The following ZCCHC14 variants were observed in gnomAD, a reference collection of about 807,000 sequenced individuals.
ZCCHC14 encodes the protein zinc finger CCHC-type containing 14, also known as zinc finger CCHC domain-containing protein 14.
A neutral mutation model predicts 85.0 loss-of-function variants in ZCCHC14; 16 were observed. That is an observed-to-expected ratio of 0.19 (90% CI 0.13 to 0.29). The LOEUF (loss-of-function observed/expected upper bound fraction) is 0.29. Among genes scored for constraint, ZCCHC14 ranks in the 10% least tolerant of loss-of-function variants. The pLI, the probability that ZCCHC14 is intolerant of heterozygous loss-of-function variation, is 1.00. For missense variants in ZCCHC14, 1,303 were observed against 1,443.5 expected, an observed-to-expected ratio of 0.90 and a Z score of 1.58; for synonymous variants, 775 against 630.7, an observed-to-expected ratio of 1.23 and a Z score of -3.43.
intron 2 of ZCCHC14, among the ~76,000 whole-genome samples, chr16:87,433,529 C>A (rs1486736960): frequency 6.6e-6 from 1 of 152,330 alleles, no homozygotes; most frequent in Admixed American, 6.5e-5. Context: ...TGCAGCCTCC[C>A]GGGTTCACCC....
intron 8 of ZCCHC14, 140 bp from the exon 9 acceptor site, chr16:87,415,507 C>A: frequency 2.9e-6 from 2 of 700,064 alleles, no homozygotes; most frequent in South Asian, 3.6e-5. Context: ...CAATTACAAG[C>A]TGGGAAATCC....
chr16:87,491,548 G>A lies in ZCCHC14; in HGVS notation c.570+121C>T. ...GTGGTGCAGGTTGGAGACCTGGGTG[G>A]GAGCTCTCAGTGCAGGCTGGAGGCG... On this transcript the variant is annotated intron_variant, in intron 1 of 12. Coordinates refer to ENST00000671377, the MANE Select transcript of ZCCHC14 (RefSeq NM_015144.3). The surrounding 1 kb of genome is among the most constrained non-coding windows in gnomAD (Gnocchi z 5.9). 1 of 891,976 alleles carries A rather than the reference G, an allele frequency of 1.1e-6. No individual in the cohort carries two copies. The highest frequency in any genetic ancestry group is 3.8e-5 in the East Asian group (1 of 26,260). The allele number at this position is 891,976 out of a possible 1,614,324, so 55.3% of individuals were successfully genotyped here.
intron 1 of ZCCHC14, among the ~76,000 whole-genome samples, chr16:87,489,280 T>TCTA (rs1183515453): frequency 2.6e-5 from 4 of 152,192 alleles, no homozygotes; most frequent in Admixed American, 2.6e-4. Context: ...GGTTACTCCT[T>TCTA]ATAATAATCC....
rs371413182 is a variant in ZCCHC14, at chr16:87,411,783, C to T, written c.2938G>A (p.Gly980Ser). The T allele has an allele frequency of 2.2e-5, 35 of 1,611,290 alleles. No individual in the cohort carries two copies. The highest frequency in any genetic ancestry group is 2.0e-4 in the African/African-American group (15 of 74,898). ...TGCACGACGGGGAAGGTGGAGCCGC[C>T]GCCGTACTGCTGGGCGCTGACGTAG... Reference protein sequence around the residue: ...SGYVSAQQYGGGSTFPVVHAP... With the variant: ...SGYVSAQQYGSGSTFPVVHAP... The change falls in exon 12 of 13, where the codon GGC becomes AGC. Residue 980 changes from glycine (G) to serine (S), a missense_variant. By Grantham distance (56) the Gly-to-Ser change is moderately conservative. Around this residue, in one of 7 missense-constraint regions of ZCCHC14, gnomAD observed 797 missense variants for 730.8 expected, o/e 1.09. Transcript: ENST00000671377.
At chr16:87,415,405 A>G (rs781718610) in intron 8 of ZCCHC14, 38 bp from the exon 9 acceptor site, 7 of 1,570,222 alleles carry the variant, frequency 4.5e-6, no homozygotes, top group South Asian at 2.2e-5. Context: ...TTACGGAGAC[A>G]TAAGTAGGAC....
chr16:87,490,131 G>A (rs1052357885), intron 1 of ZCCHC14, among the ~76,000 whole-genome samples: 3 of 152,042 alleles, frequency 2.0e-5, no homozygotes, highest in Non-Finnish European at 2.9e-5. Context: ...GGAGGTAAAT[G>A]TCACACACAC....
intron 2 of ZCCHC14, among the ~76,000 whole-genome samples, chr16:87,434,205 T>C (rs1909800944): frequency 6.6e-6 from 1 of 152,196 alleles, no homozygotes; most frequent in Admixed American, 6.5e-5. Context: ...ACAATTAGGT[T>C]TTAAGCACTA....
rs755313966 is a variant in ZCCHC14, at chr16:87,417,626, C to A, written c.1217G>T (p.Gly406Val). The A allele has an allele frequency of 1.9e-6, 3 of 1,613,996 alleles. No homozygotes were observed. Among genetic ancestry groups the A allele is most frequent in the Non-Finnish European group, 2.5e-6 (3 of 1,180,014 alleles). Residue 406 changes from glycine (G) to valine (V), a missense_variant, in exon 8 of 13, where the codon GGC (glycine) becomes GTC (valine). Gly to Val is a moderately radical substitution (Grantham distance 109, BLOSUM62 -3). Around this residue, in one of 7 missense-constraint regions of ZCCHC14, gnomAD observed 389 missense variants for 397.8 expected, o/e 0.98. Coordinates refer to ENST00000671377, the MANE Select transcript of ZCCHC14 (RefSeq NM_015144.3). Reference sequence around the variant, plus strand: ...CTGGGTCCGGTAGGCCAGGGCTGAGCCCGCGCTGCCCGCATGGGAGCAGTG... The same window carrying A: ...CTGGGTCCGGTAGGCCAGGGCTGAGACCGCGCTGCCCGCATGGGAGCAGTG... ...LPHCSHAGSA[G>V]SALAYRTQMD...
At chr16:87,460,671 C>G (rs1567534072) in intron 1 of ZCCHC14, among the ~76,000 whole-genome samples, 1 of 151,798 alleles carries the variant, frequency 6.6e-6, no homozygotes. Context: ...GCCTGGGCAA[C>G]AGAGTAAGGC....
At chr16:87,475,182 G>T (rs1455997616) in intron 1 of ZCCHC14, among the ~76,000 whole-genome samples, 3 of 152,182 alleles carry the variant, frequency 2.0e-5, no homozygotes, top group Admixed American at 1.3e-4. Flanking sequence ...CGGGGCTCAG[G>T]AACAGAAAGG....
chr16:87,455,636 C>G (rs1321420942), intron 2 of ZCCHC14, among the ~76,000 whole-genome samples: 1 of 152,178 alleles, frequency 6.6e-6, no homozygotes, highest in Non-Finnish European at 1.5e-5. Context: ...GGGTTCAAAT[C>G]AGAATCCGTG....
At chr16:87,490,978 C>A (rs1912730647) in intron 1 of ZCCHC14, among the ~76,000 whole-genome samples, 2 of 152,228 alleles carry the variant, frequency 1.3e-5, no homozygotes, top group Non-Finnish European at 2.9e-5. Context: ...GACGGGGAAG[C>A]CCCAGCGCCT....
rs7189831 is a variant in ZCCHC14, at chr16:87,443,640, G to A, written c.695-10439C>T. ...TAGCCCCAGCTACTCGGGAGGCCAA[G>A]GCTGGGGGATCCCTTGAGCCCAGGA... On this transcript the variant is annotated intron_variant, in intron 2 of 12. Transcript: ENST00000671377. Among the ~76,000 whole-genome samples the A allele has an allele frequency of 7.6e-3, 1,152 of 152,332 alleles. 15 individuals are homozygous for A. The highest frequency in any genetic ancestry group is 0.026 in the African/African-American group (1,087 of 41,566).
chr16:87,435,039 C>T (rs572560122), intron 2 of ZCCHC14, among the ~76,000 whole-genome samples: 1 of 145,338 alleles, frequency 6.9e-6, no homozygotes, highest in African/African-American at 2.5e-5. Flanking sequence ...AAAAAAAAAT[C>T]TCAGAAACTC....
At chr16:87,442,524 C>A (rs1910236133) in intron 2 of ZCCHC14, among the ~76,000 whole-genome samples, 2 of 152,100 alleles carry the variant, frequency 1.3e-5, no homozygotes, top group African/African-American at 4.8e-5. Context: ...CACAGACAGA[C>A]AGAAAGCCTG....
At chr16:87,461,463 G>C (rs1911253491) in intron 1 of ZCCHC14, among the ~76,000 whole-genome samples, 1 of 152,196 alleles carries the variant, frequency 6.6e-6, no homozygotes, top group African/African-American at 2.4e-5. Flanking sequence ...TTCATCAAAA[G>C]AGCTGATAAG....
rs781333652 is a variant in ZCCHC14 at position 87,433,077 on chromosome 16, G to A, written c.768+51C>T. 4.4e-6 allele frequency: 7 copies of A among 1,574,748 alleles called. No individual in the cohort carries two copies. The African/African-American group carries it at 6.7e-5, about 15-fold the overall frequency. On this transcript the variant is annotated intron_variant, in intron 3 of 12. Coordinates refer to ENST00000671377, the MANE Select transcript of ZCCHC14 (RefSeq NM_015144.3). ...AAGGAAAAGCATCTCCAGGGTAAGTGTTTTCTTCCTAGCCTTCCAGGAGAG... is the reference window on the plus strand; with the variant it reads ...AAGGAAAAGCATCTCCAGGGTAAGTATTTTCTTCCTAGCCTTCCAGGAGAG...
intron 2 of ZCCHC14, among the ~76,000 whole-genome samples, chr16:87,434,454 C>T (rs1345240098): frequency 6.6e-6 from 1 of 152,254 alleles, no homozygotes; most frequent in Non-Finnish European, 1.5e-5. Flanking sequence ...CCTTCCTCCA[C>T]CAGCCTTCGC....
intron 2 of ZCCHC14, among the ~76,000 whole-genome samples, chr16:87,459,239 G>C (rs1911132058): frequency 6.6e-6 from 1 of 152,130 alleles, no homozygotes; most frequent in African/African-American, 2.4e-5. Context: ...CAGTGCAGGT[G>C]GAAAACACTC....
Sources: allele counts gnomAD v4.1 joint callset (sites outside exome capture counted in the v4.1 genomes callset), GRCh38; gene constraint gnomAD v4.1.1; regional missense constraint gnomAD v4.1.1; non-coding constraint Gnocchi (gnomAD v3.1); transcripts MANE v1.5; gene names NCBI Gene and HGNC (gene_info 2026-07-23, HGNC 2026-07-21).